STAG2: variants seen among roughly 807,000 people sequenced by gnomAD.
STAG2 encodes STAG2 cohesin complex component.
Under a neutral mutation model 108.1 loss-of-function variants are expected in STAG2, and 14 were observed. That is an observed-to-expected ratio of 0.13 (90% CI 0.09 to 0.20). The LOEUF (loss-of-function observed/expected upper bound fraction) is 0.20, where lower values mean the gene tolerates loss of function less well. STAG2 is among the 10% of genes least tolerant of loss of function. The pLI, the probability that STAG2 is intolerant of heterozygous loss-of-function variation, is 1.00. For synonymous variants in STAG2, 307 were observed against 302.7 expected, an observed-to-expected ratio of 1.01 and a Z score of -0.15; for missense variants, 440 against 940.9, an observed-to-expected ratio of 0.47 and a Z score of 6.96.
intron 1 of STAG2, among the ~76,000 whole-genome samples, chrX:123,998,298 C>G (rs1443626847): frequency 9.5e-6 from 1 of 104,894 alleles, no homozygotes; most frequent in Non-Finnish European, 1.9e-5. Flanking sequence ...TCCTGGGTAG[C>G]TGGGATTACA....
intron 4 of STAG2, 107 bp downstream of exon 4, chrX:124,026,025 G>T: frequency 1.9e-6 from 1 of 517,604 alleles, no homozygotes; most frequent in Non-Finnish European, 3.1e-6. Context: ...CTTTTTAAGG[G>T]GGTGGGAGCT....
chrX:124,038,101 G>C (rs1333761967), intron 6 of STAG2, among the ~76,000 whole-genome samples: 1 of 112,423 alleles, frequency 8.9e-6, no homozygotes, highest in Non-Finnish European at 1.9e-5. Context: ...AAAAGGTAAA[G>C]AAATTTTGTT....
rs186920242 is a variant in STAG2 at position 124,009,024 on chromosome X, C to T, written c.-162-12343C>T. 2.6e-4 allele frequency among the ~76,000 whole-genome samples: 29 copies of T among 111,533 alleles called. 1 individual carries two copies. The Middle Eastern group carries it at 0.014, about 55-fold the overall frequency. On this transcript the variant is annotated intron_variant, in intron 1 of 34. Coordinates refer to ENST00000371145, the MANE Select transcript of STAG2 (RefSeq NM_001042750.2). ...TATGAATCTAAGATAGTTTCAAGTT[C>T]TCTGTAGTAGAGTGTACTTTCAAGT...
In STAG2 at chrX:124,015,268, G is replaced by A. The variant is rs759515712; in HGVS notation, c.-162-6099G>A. Reference sequence around the variant, plus strand: ...CCCAAAGTGCTGGGATTACAGGTGTGAGCCACCGTGCCTGGCCTAGTTTGA... The same window carrying A: ...CCCAAAGTGCTGGGATTACAGGTGTAAGCCACCGTGCCTGGCCTAGTTTGA... On this transcript the variant is annotated intron_variant, in intron 1 of 34. Transcript: ENST00000371145. Among the ~76,000 whole-genome samples, 4 of 109,150 alleles carry A rather than the reference G, an allele frequency of 3.7e-5. No homozygotes were observed. In the East Asian group the frequency reaches 1.1e-3, roughly 31 times the overall value. The allele number at this position is 109,150 out of a possible 115,157, so 94.8% of individuals were successfully genotyped here.
chrX:123,960,644 G>GA (rs2053807209), upstream of STAG2: 3 of 50,532 alleles, frequency 5.9e-5, no homozygotes, highest in East Asian at 5.9e-4. Context: ...AAAAAAAAAA[G>GA]AAAAAAAACC....
At chrX:124,002,748 C>T (rs1386769842) in intron 1 of STAG2, among the ~76,000 whole-genome samples, 1 of 110,228 alleles carries the variant, frequency 9.1e-6, no homozygotes, top group African/African-American at 3.3e-5. Context: ...CTTCAGCCTC[C>T]TGAGTAGCTG....
intron 4 of STAG2, among the ~76,000 whole-genome samples, chrX:124,028,248 C>T (rs917711063): frequency 9.0e-6 from 1 of 110,910 alleles, no homozygotes; most frequent in Non-Finnish European, 1.9e-5. Flanking sequence ...TTCTAAGACC[C>T]CCAGTGGATG....
chrX:124,086,456 G>A (rs2059109988), intron 29 of STAG2, 91 bp from the exon 30 acceptor site: 1 of 650,275 alleles, frequency 1.5e-6, no homozygotes. Flanking sequence ...AGTTTGAGTA[G>A]TGAAGTAATA....
At chrX:124,076,822 G>T (rs2058813636) in intron 26 of STAG2, among the ~76,000 whole-genome samples, 2 of 109,631 alleles carry the variant, frequency 1.8e-5, no homozygotes, top group Non-Finnish European at 3.8e-5. Context: ...GGTAGTTTTG[G>T]CTTGGTTACT....
chrX:123,961,123 TC>T (rs1193357368), upstream of STAG2: 2 of 89,189 alleles, frequency 2.2e-5, no homozygotes, highest in Non-Finnish European at 4.4e-5. Flanking sequence ...CCCTCCTTTC[TC>T]CCTTCTCCCC....
chrX:124,029,650 G>A (rs889371330), intron 4 of STAG2, among the ~76,000 whole-genome samples: 6 of 112,297 alleles, frequency 5.3e-5, no homozygotes, highest in Non-Finnish European at 1.1e-4. Context: ...TAAAGAATGT[G>A]CTACAGAGAC....
intron 14 of STAG2, among the ~76,000 whole-genome samples, chrX:124,057,103 A>AT (rs931775239): frequency 9.0e-6 from 1 of 111,717 alleles, no homozygotes; most frequent in African/African-American, 3.3e-5. Flanking sequence ...TTCTTCAAGT[A>AT]TTTAATAAAG....
At chrX:124,100,488 T>TA in intron 34 of STAG2, 86 bp from the exon 35 acceptor site, 2 of 799,329 alleles carry the variant, frequency 2.5e-6, no homozygotes, top group Non-Finnish European at 3.7e-6. Flanking sequence ...TTTAACATAA[T>TA]AAAGTATTAA....
chrX:124,090,619 C>G lies in STAG2; in HGVS notation c.3322C>G (p.Gln1108Glu), dbSNP rs781199928. 2 of 1,207,937 alleles carry G rather than the reference C, an allele frequency of 1.7e-6. No homozygotes were observed. The highest frequency in any genetic ancestry group is 2.2e-6 in the Non-Finnish European group (2 of 893,519). Reference sequence around the variant, plus strand: ...TGACAGTATGTGGTTAAGCAGAGAACAAACACTGCACACCCCTGTTATGAT... The same window carrying G: ...TGACAGTATGTGGTTAAGCAGAGAAGAAACACTGCACACCCCTGTTATGAT... ...SSDSMWLSRE[Q>E]TLHTPVMMQT... is the part of the protein sequence containing the mutation. Residue 1108 changes from glutamine (Q) to glutamate (E), a missense_variant, in exon 31 of 35, where the codon CAA becomes GAA. Gln to Glu is a conservative substitution (Grantham distance 29). Around this residue, in one of 3 missense-constraint regions of STAG2, gnomAD observed 337 missense variants for 649.3 expected, o/e 0.52. Coordinates refer to ENST00000371145, the MANE Select transcript of STAG2 (RefSeq NM_001042750.2).
At chrX:123,982,473 C>T (rs1467446906) in intron 1 of STAG2, among the ~76,000 whole-genome samples, 1 of 111,937 alleles carries the variant, frequency 8.9e-6, no homozygotes, top group Non-Finnish European at 1.9e-5. Flanking sequence ...ACCACTGCAA[C>T]CTCCACCTCC....
chrX:124,094,537 G>T (rs989233280), intron 33 of STAG2, among the ~76,000 whole-genome samples: 7 of 111,891 alleles, frequency 6.3e-5, no homozygotes, highest in African/African-American at 1.6e-4. Flanking sequence ...GACAAATTCC[G>T]TATCAGATAA....
chrX:124,006,827 CAT>C (rs1267847217), intron 1 of STAG2, among the ~76,000 whole-genome samples: 7 of 111,277 alleles, frequency 6.3e-5, no homozygotes, highest in East Asian at 2.8e-4. Flanking sequence ...TTCAGTTTAA[CAT>C]GTGTTTTAAA....
At chrX:123,998,591 T>TATCC (rs1569497534) in intron 1 of STAG2, among the ~76,000 whole-genome samples, 2 of 13,293 alleles carry the variant, frequency 1.5e-4, no homozygotes, top group Admixed American at 7.5e-4. Context: ...TCTATCCATC[T>TATCC]ATCTATCTAT....
chrX:124,029,537 C>T (rs1444450503), intron 4 of STAG2, among the ~76,000 whole-genome samples: 2 of 107,721 alleles, frequency 1.9e-5, no homozygotes, highest in Admixed American at 1.0e-4. Context: ...TCTCGAACTT[C>T]TGAGCTCAGG....
Sources: gnomAD v4.1 joint callset for allele counts (sites outside exome capture counted in the v4.1 genomes callset) on GRCh38, gnomAD v4.1.1 for gene constraint, gnomAD v4.1.1 regional missense constraint, MANE v1.5 for transcripts, NCBI Gene and HGNC (gene_info 2026-07-23, HGNC 2026-07-21) for gene names.